GBF1: variants seen among roughly 807,000 people sequenced by gnomAD.
GBF1 encodes the protein Golgi-specific brefeldin A-resistance guanine nucleotide exchange factor 1.
In GBF1, 114 loss-of-function variants were observed where a neutral mutation model predicts 210.5. The ratio of observed to expected loss-of-function variants is 0.54; its 90% CI spans 0.47 to 0.63. The LOEUF (loss-of-function observed/expected upper bound fraction) is 0.63, where lower values mean the gene tolerates loss of function less well. Among genes scored for constraint, GBF1 ranks in the 30% least tolerant of loss-of-function variants. GBF1 has a pLI of 0.00. For missense variants in GBF1, 1,851 were observed against 2,357.7 expected, an observed-to-expected ratio of 0.79 and a Z score of 4.45; for synonymous variants, 850 against 889.2, an observed-to-expected ratio of 0.96 and a Z score of 0.78.
Position 102,376,333 on chromosome 10 carries a change from G to GTACACTTCCGACTCAGAGGTC in GBF1, c.3955_3975dup (p.Ser1319_Thr1325dup). ...AGAATGACGTGAGCCTGGATCGAGGGTACACTTCCGACTCAGAGGTCTACA... is the reference window on the plus strand; with the variant it reads ...AGAATGACGTGAGCCTGGATCGAGGGTACACTTCCGACTCAGAGGTCTACACTTCCGACTCAGAGGTCTACA... On this transcript the variant is annotated inframe_insertion, in exon 31 of 40. Coordinates refer to ENST00000369983, the MANE Select transcript of GBF1 (RefSeq NM_001377137.1). 2 of 1,613,736 alleles carry GTACACTTCCGACTCAGAGGTC rather than the reference G, an allele frequency of 1.2e-6. No individual in the cohort carries two copies. The highest frequency in any genetic ancestry group is 2.2e-5 in the South Asian group (2 of 91,070).
In GBF1 at chr10:102,370,798, G is replaced by C. The variant is rs373155160; in HGVS notation, c.3598G>C (p.Ala1200Pro). The change falls in exon 29 of 40, where the codon GCA becomes CCA. Residue 1200 changes from alanine (A) to proline (P), a missense_variant. Around this residue, in one of 3 missense-constraint regions of GBF1, gnomAD observed 967 missense variants for 1,247.7 expected, o/e 0.78. Transcript: ENST00000369983. The part of the protein sequence containing the change: ...AQDFCFLVER[A>P]VVGLLRLAIR... ...AGATTTCTGCTTCCTTGTGGAGCGG[G>C]CAGTGGTGGGGTTGCTACGCCTGGC... 3 of 1,613,996 alleles carry C rather than the reference G, an allele frequency of 1.9e-6. No homozygotes were observed. The highest frequency in any genetic ancestry group is 2.5e-6 in the Non-Finnish European group (3 of 1,179,956).
At chr10:102,247,627 C>T (rs907460742) in intron 1 of GBF1, among the ~76,000 whole-genome samples, 4 of 152,052 alleles carry the variant, frequency 2.6e-5, no homozygotes, top group African/African-American at 9.7e-5. Context: ...GGCATCAAAA[C>T]GTTTTCTCTT....
chr10:102,380,981 C>A, intron 38 of GBF1, 146 bp from the exon 39 acceptor site: 1 of 730,084 alleles, frequency 1.4e-6, no homozygotes, highest in Non-Finnish European at 2.3e-6. Context: ...AGTGACAGAA[C>A]GAGATTCCAT....
chr10:102,382,629 G>A lies in GBF1; in HGVS notation c.*293G>A. 2.7e-6 allele frequency: 1 copy of A among 375,238 alleles called. No homozygotes were observed. The highest frequency in any genetic ancestry group is 4.8e-6 in the Non-Finnish European group (1 of 208,504). 23.2% of individuals were successfully genotyped at this position (375,238 alleles called of 1,614,324 possible). On this transcript the variant is annotated 3_prime_UTR_variant, in exon 40 of 40. Coordinates refer to ENST00000369983, the MANE Select transcript of GBF1 (RefSeq NM_001377137.1). Reference sequence around the variant, plus strand: ...GGCAGCTCTGGGGAGGCATCCGTGTGCCGGCCCTGCAGTGCCTGCCCACGG... The same window carrying A: ...GGCAGCTCTGGGGAGGCATCCGTGTACCGGCCCTGCAGTGCCTGCCCACGG...
the GBF1 span, chr10:102,231,685 T>C: frequency 2.5e-6 from 4 of 1,611,958 alleles, no homozygotes; most frequent in South Asian, 3.3e-5. Context: ...CTCTAGCTCC[T>C]GTAGCTGCTG....
chr10:102,287,769 A>C (rs1046512798), intron 3 of GBF1, among the ~76,000 whole-genome samples: 1 of 152,212 alleles, frequency 6.6e-6, no homozygotes, highest in African/African-American at 2.4e-5. Flanking sequence ...CAACCTCAGA[A>C]GTAAACCTCA....
chr10:102,368,783 T>C lies in GBF1; in HGVS notation c.2924T>C (p.Phe975Ser), dbSNP rs1473712482. The change falls in exon 23 of 40, where the codon TTT becomes TCT. Residue 975 changes from phenylalanine to serine, a missense_variant. This residue lies in a region of GBF1 where 967 missense variants were observed against 1,247.7 expected (regional missense o/e 0.78). Transcript: ENST00000369983. ...GCCCACTATGGCCTCAGCGATGTGT[T>C]TGACAATCTCATCATCTCTCTATGC... ...ISAHYGLSDV[F>S]DNLIISLCKF... 4 of 1,613,676 alleles carry C rather than the reference T, an allele frequency of 2.5e-6. No individual in the cohort carries two copies. The highest frequency in any genetic ancestry group is 1.1e-5 in the South Asian group (1 of 91,076).
the GBF1 span, chr10:102,231,087 G>T: frequency 1.3e-6 from 2 of 1,558,274 alleles, no homozygotes; most frequent in Non-Finnish European, 1.7e-6. Flanking sequence ...TGGCGCGCCG[G>T]TTCTTGAACC....
chr10:102,308,727 G>A (rs1367234906), intron 3 of GBF1, among the ~76,000 whole-genome samples: 3 of 149,792 alleles, frequency 2.0e-5, no homozygotes, highest in Admixed American at 2.0e-4. Flanking sequence ...GACTGTTGTG[G>A]GGTAGGGGGA....
chr10:102,369,465 AGT>A, intron 24 of GBF1, 78 bp downstream of exon 24: 1 of 1,168,222 alleles, frequency 8.6e-7, no homozygotes. Flanking sequence ...CATAGAAGTA[AGT>A]GGTTGAGAGT....
At position 102,361,719 on chromosome 10, in the gene GBF1, T is replaced by G; in HGVS notation, c.1493T>G (p.Met498Arg). The change falls in exon 14 of 40, where the codon ATG (methionine) becomes AGG (arginine). Residue 498 changes from methionine (M) to arginine (R), a missense_variant and splice_region_variant. This residue lies in a region of GBF1 where 804 missense variants were observed against 958.6 expected (regional missense o/e 0.84). Coordinates refer to ENST00000369983, the MANE Select transcript of GBF1 (RefSeq NM_001377137.1). ...MREHLKFQME[M>R]YIKKLMEIIT... The stretch of plus-strand genomic sequence containing the variant: ...TGGCAATTACTGGGTTATTGCCAGA[T>G]GTACATCAAAAAGCTTATGGAGATC... The G allele has an allele frequency of 6.4e-7, 1 of 1,571,242 alleles. No homozygotes were observed. Among genetic ancestry groups the G allele is most frequent in the Non-Finnish European group, 8.6e-7 (1 of 1,158,122 alleles).
chr10:102,322,873 C>T (rs1363041203), intron 3 of GBF1, among the ~76,000 whole-genome samples: 1 of 151,982 alleles, frequency 6.6e-6, no homozygotes, highest in Non-Finnish European at 1.5e-5. Context: ...GCTGAGATCA[C>T]ACCACTGTAG....
chr10:102,368,642 G>T, intron 22 of GBF1, 97 bp from the exon 23 acceptor site: 2 of 915,062 alleles, frequency 2.2e-6, no homozygotes, highest in South Asian at 2.8e-5. Flanking sequence ...TTCTTCCTGG[G>T]ACTGACTGGG....
the GBF1 span, chr10:102,231,848 C>T: frequency 6.3e-7 from 1 of 1,584,942 alleles, no homozygotes; most frequent in South Asian, 1.1e-5. Flanking sequence ...TATTCTCCGG[C>T]TCGGGGACCT....
intron 14 of GBF1, 61 bp downstream of exon 14, chr10:102,361,973 G>A (rs2059628353): frequency 3.1e-6 from 3 of 955,858 alleles, no homozygotes; most frequent in Admixed American, 5.4e-5. Flanking sequence ...TCTCCCTGGT[G>A]GTAGTGAGGA....
intron 3 of GBF1, among the ~76,000 whole-genome samples, chr10:102,280,130 A>AAGAG (rs57985048): frequency 3.0e-3 from 456 of 150,118 alleles, no homozygotes; most frequent in Non-Finnish European, 4.2e-3. Flanking sequence ...CTTAAAAAAA[A>AAGAG]AGAGAGAGAG....
chr10:102,313,117 T>C (rs955842929), intron 3 of GBF1, among the ~76,000 whole-genome samples: 2 of 152,126 alleles, frequency 1.3e-5, no homozygotes, highest in Non-Finnish European at 2.9e-5. Flanking sequence ...AGATATAGCA[T>C]ATTATAGGTG....
At chr10:102,302,726 G>GT (rs1252728570) in intron 3 of GBF1, among the ~76,000 whole-genome samples, 1 of 151,992 alleles carries the variant, frequency 6.6e-6, no homozygotes, top group Non-Finnish European at 1.5e-5. Context: ...GGGTGATTTT[G>GT]CCCCCCAGAG....
intron 3 of GBF1, among the ~76,000 whole-genome samples, chr10:102,294,476 G>T (rs993925087): frequency 1.1e-4 from 16 of 151,658 alleles, no homozygotes; most frequent in African/African-American, 3.9e-4. Context: ...TCGCCTCCTG[G>T]GTTCAAGCCA....
Sources: gnomAD v4.1 joint callset for allele counts (sites outside exome capture counted in the v4.1 genomes callset) on GRCh38, gnomAD v4.1.1 for gene constraint, gnomAD v4.1.1 regional missense constraint, MANE v1.5 for transcripts, NCBI Gene and HGNC (gene_info 2026-07-23, HGNC 2026-07-21) for gene names.